MED27: variants seen among roughly 807,000 people sequenced by gnomAD.
The protein encoded by MED27 is mediator complex subunit 27, also known as mediator of RNA polymerase II transcription subunit 27.
A neutral mutation model predicts 38.2 loss-of-function variants in MED27; 30 were observed. The observed-to-expected ratio is 0.79, with a 90% CI of 0.59 to 1.07. MED27 has a LOEUF of 1.07. Ranked by LOEUF, MED27 falls within the 50% of genes least tolerant of loss-of-function variation. The pLI is 0.00. For missense variants in MED27, 289 were observed against 397.5 expected, an observed-to-expected ratio of 0.73 and a Z score of 2.32; for synonymous variants, 122 against 153.5, an observed-to-expected ratio of 0.79 and a Z score of 1.52.
At chr9:131,992,686 C>T (rs1353626217) in intron 3 of MED27, among the ~76,000 whole-genome samples, 3 of 152,188 alleles carry the variant, frequency 2.0e-5, no homozygotes, top group Non-Finnish European at 4.4e-5. Flanking sequence ...CAGGTATGAG[C>T]CACTGCACCT....
chr9:131,963,812 C>T lies in MED27; in HGVS notation c.480-24338G>A, dbSNP rs11792505. Among the ~76,000 whole-genome samples the T allele has an allele frequency of 9.4e-3, 1,426 of 152,192 alleles. 16 individuals carry two copies. The highest frequency in any genetic ancestry group is 0.016 in the Non-Finnish European group (1,082 of 68,006). On this transcript the variant is annotated intron_variant, in intron 3 of 7. Coordinates refer to ENST00000292035, the MANE Select transcript of MED27 (RefSeq NM_004269.4). ...GGCTCCTAGCTGTTGTTAGTATGTG[C>T]GCTGCATGTTTCCAAATTCGTTACC...
rs76139451 is a variant in MED27 at position 132,008,496 on chromosome 9, T to A, written c.479+5841A>T. 1.5e-3 allele frequency among the ~76,000 whole-genome samples: 225 copies of A among 152,324 alleles called. 1 individual carries two copies. Among genetic ancestry groups the A allele is most frequent in the African/African-American group, 5.3e-3 (219 of 41,578 alleles). ...GTGCCCTCTGAACGCTAACAAGTGA[T>A]AAAATATCTTTCATCATGAACAAGA... On this transcript the variant is annotated intron_variant, in intron 3 of 7. Transcript: ENST00000292035.
chr9:131,970,866 T>TA (rs779205435), intron 3 of MED27, among the ~76,000 whole-genome samples: 11 of 152,090 alleles, frequency 7.2e-5, no homozygotes, highest in Non-Finnish European at 4.4e-5. Context: ...TGGATCCTGA[T>TA]AAAAAACAAA....
chr9:131,915,804 G>A (rs368331002), intron 4 of MED27, among the ~76,000 whole-genome samples: 2 of 152,240 alleles, frequency 1.3e-5, no homozygotes, highest in African/African-American at 2.4e-5. Context: ...AGCAAATGAC[G>A]GCACAGAGAC....
intron 2 of MED27, among the ~76,000 whole-genome samples, chr9:132,017,107 A>G (rs753634863): frequency 1.1e-4 from 17 of 152,200 alleles, no homozygotes; most frequent in Non-Finnish European, 1.6e-4. Context: ...GTCAAGATCT[A>G]TAAGGGGCCC....
chr9:131,919,545 T>C (rs1033854228), intron 4 of MED27, among the ~76,000 whole-genome samples: 4 of 152,090 alleles, frequency 2.6e-5, no homozygotes, highest in Admixed American at 6.6e-5. Flanking sequence ...TGTAGCACTG[T>C]GGGCTTGAGC....
At chr9:131,931,426 AGAAG>A (rs1211835550) in intron 4 of MED27, among the ~76,000 whole-genome samples, 1 of 152,144 alleles carries the variant, frequency 6.6e-6, no homozygotes, top group African/African-American at 2.4e-5. Context: ...AAGGAACAAA[AGAAG>A]GAAGGAAGAC....
chr9:131,908,417 G>A (rs1830120029), intron 4 of MED27, among the ~76,000 whole-genome samples: 1 of 152,250 alleles, frequency 6.6e-6, no homozygotes, highest in Admixed American at 6.5e-5. Context: ...TGACAATGGC[G>A]GTTTTGTGGA....
chr9:132,073,718 T>G lies in MED27; in HGVS notation c.348+3724A>C. The stretch of plus-strand genomic sequence containing the variant: ...TGTCTTCAGACTTTCCAATGGAATA[T>G]TCTTGGAATAGAAAGTTGCTCTTTC... On this transcript the variant is annotated intron_variant, in intron 2 of 7. Transcript: ENST00000292035. The G allele has an allele frequency of 2.0e-6, 3 of 1,519,104 alleles. No homozygotes were observed. The South Asian group carries it at 3.7e-5, about 19-fold the overall frequency. The allele number at this position is 1,519,104 out of a possible 1,614,324, so 94.1% of individuals were successfully genotyped here.
intron 2 of MED27, among the ~76,000 whole-genome samples, chr9:132,071,402 A>G (rs1408665488): frequency 6.6e-6 from 1 of 151,964 alleles, no homozygotes; most frequent in African/African-American, 2.4e-5. Context: ...CGCACACCCC[A>G]TGAACGAGCA....
chr9:131,976,102 T>G (rs896477416), intron 3 of MED27, among the ~76,000 whole-genome samples: 45 of 152,018 alleles, frequency 3.0e-4, no homozygotes, highest in African/African-American at 1.1e-3. Context: ...AGGCAACAAG[T>G]GTCATCTCCA....
intron 6 of MED27, among the ~76,000 whole-genome samples, chr9:131,882,693 G>A (rs940064768): frequency 2.0e-5 from 3 of 152,104 alleles, no homozygotes; most frequent in South Asian, 2.1e-4. Flanking sequence ...CCCACTTCAC[G>A]GGGCTGGCTC....
intron 6 of MED27, among the ~76,000 whole-genome samples, chr9:131,864,604 A>G (rs1838705589): frequency 6.6e-6 from 1 of 152,214 alleles, no homozygotes; most frequent in Non-Finnish European, 1.5e-5. Context: ...TCTAACCCCC[A>G]ATGAACACTG....
At chr9:131,957,348 G>C (rs1000314459) in intron 3 of MED27, among the ~76,000 whole-genome samples, 2 of 151,684 alleles carry the variant, frequency 1.3e-5, no homozygotes, top group Non-Finnish European at 2.9e-5. Context: ...GCAATCTCCC[G>C]GGCACAAGCA....
intron 3 of MED27, among the ~76,000 whole-genome samples, chr9:131,950,730 T>C (rs1202981425): frequency 6.6e-6 from 1 of 152,208 alleles, no homozygotes; most frequent in African/African-American, 2.4e-5. Flanking sequence ...ACAGTAAGTT[T>C]GATAGTCATT....
chr9:132,013,248 T>A (rs1171852068), intron 3 of MED27, among the ~76,000 whole-genome samples: 2 of 152,214 alleles, frequency 1.3e-5, no homozygotes, highest in African/African-American at 4.8e-5. Flanking sequence ...AAAGGAAGAC[T>A]ACACTGCAAC....
chr9:131,877,761 G>A (rs760918235), intron 6 of MED27, among the ~76,000 whole-genome samples: 1 of 152,202 alleles, frequency 6.6e-6, no homozygotes, highest in Non-Finnish European at 1.5e-5. Flanking sequence ...GTTGGAATGA[G>A]CGATAGGTTA....
At chr9:132,021,062 T>C (rs1447519954) in intron 2 of MED27, among the ~76,000 whole-genome samples, 1 of 152,224 alleles carries the variant, frequency 6.6e-6, no homozygotes, top group Non-Finnish European at 1.5e-5. Flanking sequence ...TGTGGCATTA[T>C]TTATATGCTA....
At chr9:132,059,088 G>C (rs925227534) in intron 2 of MED27, among the ~76,000 whole-genome samples, 1 of 152,216 alleles carries the variant, frequency 6.6e-6, no homozygotes. Context: ...AGCAGCAGCA[G>C]CAGTCGGCTA....
Sources: allele counts gnomAD v4.1 joint callset (sites outside exome capture counted in the v4.1 genomes callset), GRCh38; gene constraint gnomAD v4.1.1; transcripts MANE v1.5; gene names NCBI Gene and HGNC (gene_info 2026-07-23, HGNC 2026-07-21).